Variants in NR3C2 observed in about 807,000 individuals in gnomAD.
NR3C2 encodes the protein nuclear receptor subfamily 3 group C member 2.
A neutral mutation model predicts 86.4 loss-of-function variants in NR3C2; 15 were observed. The observed-to-expected ratio is 0.17, with a 90% CI of 0.12 to 0.27. The LOEUF (loss-of-function observed/expected upper bound fraction) is 0.27. NR3C2 is among the 10% of genes least tolerant of loss of function. The pLI is 1.00. For synonymous variants in NR3C2, 458 were observed against 450.5 expected (o/e 1.02, Z -0.21); for missense variants, 960 against 1,195.6 (o/e 0.80, Z 2.91).
chr4:148,099,204 G>A (rs997660835), intron 8 of NR3C2, among the ~76,000 whole-genome samples: 8 of 152,208 alleles, frequency 5.3e-5, no homozygotes, highest in Non-Finnish European at 1.0e-4. Flanking sequence ...TGAACATAAG[G>A]GGTCCCTCGT....
chr4:148,427,722 T>G (rs975340992), intron 2 of NR3C2, among the ~76,000 whole-genome samples: 13 of 152,014 alleles, frequency 8.6e-5, no homozygotes, highest in African/African-American at 3.1e-4. Context: ...ATGGGAACCC[T>G]CCTTGAAGAA....
At chr4:148,317,243 T>A (rs1017876732) in intron 2 of NR3C2, among the ~76,000 whole-genome samples, 1 of 152,120 alleles carries the variant, frequency 6.6e-6, no homozygotes, top group African/African-American at 2.4e-5. Flanking sequence ...TAATCCCAGC[T>A]ACTTGTGAGG....
At chr4:148,223,041 A>G (rs1737943020) in intron 3 of NR3C2, among the ~76,000 whole-genome samples, 1 of 152,208 alleles carries the variant, frequency 6.6e-6, no homozygotes, top group South Asian at 2.1e-4. Flanking sequence ...GAGCAAATGG[A>G]AACAATGTAA....
chr4:148,340,487 A>T (rs1579180476), intron 2 of NR3C2, among the ~76,000 whole-genome samples: 1 of 152,292 alleles, frequency 6.6e-6, no homozygotes, highest in East Asian at 1.9e-4. Flanking sequence ...AATCAACTTA[A>T]ATTGAACTAA....
intron 4 of NR3C2, among the ~76,000 whole-genome samples, chr4:148,166,417 TG>T: frequency 1.3e-5 from 2 of 152,356 alleles, no homozygotes; most frequent in Non-Finnish European, 2.9e-5. Flanking sequence ...TGCCCTGCCC[TG>T]CCCAGCTCTG....
chr4:148,402,012 T>A (rs74755890), intron 2 of NR3C2, among the ~76,000 whole-genome samples: 2,669 of 152,220 alleles, frequency 0.018, 81 homozygotes, highest in African/African-American at 0.06. Context: ...TAACTGTAAA[T>A]ACTTTAAAGG....
At chr4:148,178,012 T>C in intron 4 of NR3C2, among the ~76,000 whole-genome samples, 1 of 152,240 alleles carries the variant, frequency 6.6e-6, no homozygotes. Flanking sequence ...GTTTTCAAAG[T>C]AGGCATAAGT....
At chr4:148,362,498 A>C (rs1184774713) in intron 2 of NR3C2, among the ~76,000 whole-genome samples, 1 of 152,156 alleles carries the variant, frequency 6.6e-6, no homozygotes, top group Non-Finnish European at 1.5e-5. Context: ...TTAAAAATGA[A>C]ATTTTTTGAA....
intron 6 of NR3C2, among the ~76,000 whole-genome samples, chr4:148,138,881 T>C (rs1380129445): frequency 6.6e-6 from 1 of 152,202 alleles, no homozygotes; most frequent in East Asian, 1.9e-4. Context: ...GTGGGTTATC[T>C]TGAGAGAGGA....
chr4:148,214,168 C>T (rs528666665), intron 3 of NR3C2, among the ~76,000 whole-genome samples: 5 of 152,300 alleles, frequency 3.3e-5, no homozygotes, highest in African/African-American at 9.6e-5. Flanking sequence ...AAAGTATAGT[C>T]TACCTAGCTA....
intron 2 of NR3C2, among the ~76,000 whole-genome samples, chr4:148,322,880 G>A (rs1239416200): frequency 5.5e-5 from 7 of 126,786 alleles, no homozygotes; most frequent in East Asian, 5.7e-4. Context: ...CTCTGAGCTC[G>A]TCAAAGTCAT....
At position 148,247,777 on chromosome 4, in the gene NR3C2, G is replaced by A. The variant is rs72655204; in HGVS notation, c.1897+12201C>T. 9.5e-3 allele frequency among the ~76,000 whole-genome samples: 1,444 copies of A among 151,768 alleles called. 7 individuals are homozygous for A. Among genetic ancestry groups the A allele is most frequent in the Non-Finnish European group, 0.016 (1,063 of 67,950 alleles). On this transcript the variant is annotated intron_variant, in intron 3 of 8. Transcript: ENST00000358102. The stretch of plus-strand genomic sequence containing the variant: ...TGTTGCCCTTTCCATTTCCATTTCC[G>A]GTTACTGCTTTATCCCAAATTGGCT...
rs370075810 is a variant in NR3C2 at position 148,188,988 on chromosome 4, C to T, written c.2014+5758G>A. 9.3e-4 allele frequency among the ~76,000 whole-genome samples: 134 copies of T among 143,376 alleles called. 4 individuals carry two copies. In the South Asian group the frequency reaches 0.026, roughly 28 times the overall value. The allele number at this position is 143,376 out of a possible 152,430, so 94.1% of individuals were successfully genotyped here. On this transcript the variant is annotated intron_variant, in intron 4 of 8. Transcript: ENST00000358102. The stretch of plus-strand genomic sequence containing the variant: ...TGCTACCCAGGCTGGAGTGCAGTGG[C>T]GCGATCTTGGCTCATTGCAACCTCC...
intron 2 of NR3C2, among the ~76,000 whole-genome samples, chr4:148,431,611 G>A (rs528770046): frequency 6.6e-6 from 1 of 152,134 alleles, no homozygotes; most frequent in East Asian, 1.9e-4. Context: ...TCCATTCACT[G>A]GAAATTATTA....
chr4:148,375,186 TGG>T (rs1298436807), intron 2 of NR3C2, among the ~76,000 whole-genome samples: 7 of 152,190 alleles, frequency 4.6e-5, no homozygotes, highest in Non-Finnish European at 1.0e-4. Context: ...CTGGATGCAG[TGG>T]CTCACGCCTG....
chr4:148,288,460 T>C (rs1345978393), intron 2 of NR3C2, among the ~76,000 whole-genome samples: 1 of 152,218 alleles, frequency 6.6e-6, no homozygotes, highest in Non-Finnish European at 1.5e-5. Flanking sequence ...GCTGTCATTC[T>C]AGTAAAAATA....
At chr4:148,083,575 G>T (rs1730676251) in intron 8 of NR3C2, among the ~76,000 whole-genome samples, 1 of 152,170 alleles carries the variant, frequency 6.6e-6, no homozygotes, top group Non-Finnish European at 1.5e-5. Flanking sequence ...CCATGAAGAT[G>T]GGGAGAAACC....
intron 8 of NR3C2, among the ~76,000 whole-genome samples, chr4:148,086,822 A>G (rs574439559): frequency 6.6e-6 from 1 of 152,226 alleles, no homozygotes; most frequent in Non-Finnish European, 1.5e-5. Context: ...AGCCAATATC[A>G]TACTGAATGG....
rs551283048 is a variant in NR3C2, at chr4:148,435,803, C to A, written c.1058G>T (p.Ser353Ile). 6.8e-6 allele frequency: 11 copies of A among 1,614,188 alleles called. No homozygotes were observed. Among genetic ancestry groups the A allele is most frequent in the Non-Finnish European group, 8.5e-6 (10 of 1,180,040 alleles). Residue 353 changes from serine (S) to isoleucine (I), a missense_variant, in exon 2 of 9, where the codon AGT (serine) becomes ATT (isoleucine). Transcript: ENST00000358102. Reference sequence around the variant, plus strand: ...ACTGGGAACCACATCCCGCAATGTACTGGATCCAGCAGAGGTGCCAGAAGC... The same window carrying A: ...ACTGGGAACCACATCCCGCAATGTAATGGATCCAGCAGAGGTGCCAGAAGC... ...YTASGTSAGS[S>I]TLRDVVPSPD...
Sources: gnomAD v4.1 joint callset for allele counts (sites outside exome capture counted in the v4.1 genomes callset) on GRCh38, gnomAD v4.1.1 for gene constraint, MANE v1.5 for transcripts, NCBI Gene and HGNC (gene_info 2026-07-23, HGNC 2026-07-21) for gene names.